Variants in INTS13 observed in about 807,000 individuals in gnomAD.
The protein encoded by INTS13 is integrator complex subunit 13.
A neutral mutation model predicts 90.2 loss-of-function variants in INTS13; 35 were observed. The ratio of observed to expected loss-of-function variants is 0.39; its 90% CI spans 0.30 to 0.51. The LOEUF (loss-of-function observed/expected upper bound fraction) is 0.51, where lower values mean the gene tolerates loss of function less well. Ranked by LOEUF, INTS13 falls within the 20% of genes least tolerant of loss-of-function variation. The pLI is 0.80. For synonymous variants in INTS13, 309 were observed against 277.1 expected, an observed-to-expected ratio of 1.11 and a Z score of -1.14; for missense variants, 601 against 851.2, an observed-to-expected ratio of 0.71 and a Z score of 3.66.
At chr12:26,912,764 A>G (rs1302480796) in intron 14 of INTS13, among the ~76,000 whole-genome samples, 2 of 148,380 alleles carry the variant, frequency 1.3e-5, no homozygotes, top group African/African-American at 5.0e-5. Flanking sequence ...GTCTTACTCT[A>G]TTGCCCAGGC....
chr12:26,927,767 C>A (rs117229933), intron 5 of INTS13, among the ~76,000 whole-genome samples: 2,249 of 151,634 alleles, frequency 0.015, 27 homozygotes, highest in Middle Eastern at 0.065. Context: ...AGGCACATGC[C>A]ACCAGGCCCG....
chr12:26,908,440 AAGG>A (rs1951676751), intron 15 of INTS13, among the ~76,000 whole-genome samples: 1 of 152,236 alleles, frequency 6.6e-6, no homozygotes, highest in Admixed American at 6.5e-5. Flanking sequence ...AAAACACATA[AAGG>A]AGGAAATAAA....
At chr12:26,930,966 C>T (rs1484155383) in intron 3 of INTS13, among the ~76,000 whole-genome samples, 1 of 152,076 alleles carries the variant, frequency 6.6e-6, no homozygotes, top group African/African-American at 2.4e-5. Context: ...AAAGCCAAGC[C>T]AATCAAAGCC....
intron 16 of INTS13, 73 bp downstream of exon 16, chr12:26,906,229 C>T: frequency 2.2e-6 from 3 of 1,388,196 alleles, no homozygotes; most frequent in Non-Finnish European, 2.9e-6. Context: ...CTGATTATTA[C>T]AAATAAGCAA....
rs1052726359 is a variant in INTS13 at position 26,936,604 on chromosome 12, T to A, written c.200A>T (p.Tyr67Phe). ...ESSMEYCRIM[Y>F]DIFPFKKLVN... ...CAGCTTTTTGAAAGGAAATATATCA[T>A]ACATTATTCTACAATATTCCATGGA... Residue 67 changes from tyrosine (Y) to phenylalanine (F), a missense_variant, in exon 2 of 17, where the codon TAT becomes TTT. Around this residue, in one of 3 missense-constraint regions of INTS13, gnomAD observed 284 missense variants for 387.7 expected, o/e 0.73. Coordinates refer to ENST00000261191, the MANE Select transcript of INTS13 (RefSeq NM_018164.3). The A allele has an allele frequency of 1.2e-6, 2 of 1,611,144 alleles. No individual in the cohort carries two copies. The highest frequency in any genetic ancestry group is 1.7e-6 in the Non-Finnish European group (2 of 1,177,432).
chr12:26,917,505 G>T, intron 9 of INTS13, 64 bp from the exon 10 acceptor site: 1 of 1,260,420 alleles, frequency 7.9e-7, no homozygotes, highest in Non-Finnish European at 1.1e-6. Flanking sequence ...TTAAAAGAAA[G>T]AAAAAAAAAC....
Position 26,936,702 on chromosome 12 carries a change from C to T in INTS13, c.102G>A (p.Val34=), listed in dbSNP as rs985605429. ...GAATGATTCCTTGGGTTCTATTCTT[C>T]ACCAGCATATCAAACTCGACATGCT... ...CRQHVEFDML[V]KNRTQGIIPL... is the part of the protein sequence containing the mutation. The change falls in exon 2 of 17, where the codon GTG becomes GTA. Residue 34 remains valine, a synonymous_variant. Transcript: ENST00000261191. 10 of 1,613,948 alleles carry T rather than the reference C, an allele frequency of 6.2e-6. No homozygotes were observed. The highest frequency in any genetic ancestry group is 8.5e-6 in the Non-Finnish European group (10 of 1,179,962).
At chr12:26,913,943 T>A in intron 13 of INTS13, 31 bp downstream of exon 13, 2 of 1,572,750 alleles carry the variant, frequency 1.3e-6, no homozygotes, top group South Asian at 1.2e-5. Context: ...GTAAATGTGA[T>A]CTATAAAGTA....
chr12:26,914,155 GAA>G (rs748577828), intron 12 of INTS13, 27 bp from the exon 13 acceptor site: 1 of 1,533,020 alleles, frequency 6.5e-7, no homozygotes, highest in African/African-American at 1.4e-5. Flanking sequence ...AAAGAAAAAA[GAA>G]AATCTGTCTT....
chr12:26,915,035 T>A (rs1025543464), intron 11 of INTS13, among the ~76,000 whole-genome samples: 4 of 152,192 alleles, frequency 2.6e-5, no homozygotes, highest in Non-Finnish European at 5.9e-5. Context: ...GAGACCAGCC[T>A]GGCCAACATG....
chr12:26,911,539 G>A (rs1009117907), intron 14 of INTS13, among the ~76,000 whole-genome samples: 3 of 151,602 alleles, frequency 2.0e-5, no homozygotes, highest in Admixed American at 1.3e-4. Context: ...CAATGATTCA[G>A]GAATTAGCTG....
chr12:26,932,712 C>A (rs1458066999), intron 3 of INTS13, among the ~76,000 whole-genome samples: 1 of 152,146 alleles, frequency 6.6e-6, no homozygotes, highest in Non-Finnish European at 1.5e-5. Flanking sequence ...TATAAACTTA[C>A]CCTCTCCCGT....
At chr12:26,917,781 ACAT>A (rs1951983623) in intron 8 of INTS13, 48 bp from the exon 9 acceptor site, 1 of 1,317,602 alleles carries the variant, frequency 7.6e-7, no homozygotes, top group Non-Finnish European at 1.1e-6. Context: ...ATGTATCAAA[ACAT>A]CACACTGTAT....
In INTS13 at chr12:26,905,234, T is replaced by C. The variant is rs983701811; in HGVS notation, c.*263A>G. On this transcript the variant is annotated 3_prime_UTR_variant, in exon 17 of 17. Coordinates refer to ENST00000261191, the MANE Select transcript of INTS13 (RefSeq NM_018164.3). ...TATTTCGCAAAGAGAAGCCTAAGAA[T>C]TTTTTTAAAAACATTTCCAGAGAGA... The C allele has an allele frequency of 3.0e-6, 1 of 330,508 alleles. No homozygotes were observed. Among genetic ancestry groups the C allele is most frequent in the Non-Finnish European group, 5.4e-6 (1 of 184,878 alleles). The allele number at this position is 330,508 out of a possible 1,614,324, so 20.5% of individuals were successfully genotyped here.
intron 7 of INTS13, among the ~76,000 whole-genome samples, chr12:26,923,526 T>C (rs1223655535): frequency 6.6e-6 from 1 of 152,218 alleles, no homozygotes; most frequent in Non-Finnish European, 1.5e-5. Flanking sequence ...GGCTACCTTA[T>C]ATTTGTAAAC....
chr12:26,928,679 G>A, intron 4 of INTS13, 24 bp downstream of exon 4: 6 of 1,607,876 alleles, frequency 3.7e-6, no homozygotes, highest in Non-Finnish European at 5.1e-6. Flanking sequence ...CACAGTGAAA[G>A]AATTGCTATA....
At chr12:26,915,913 C>T in intron 11 of INTS13, 89 bp downstream of exon 11, 1 of 929,652 alleles carries the variant, frequency 1.1e-6, no homozygotes, top group Non-Finnish European at 1.5e-6. Flanking sequence ...TTTTTTTCCA[C>T]AGACCTTAGC....
At position 26,914,094 on chromosome 12, in the gene INTS13, G is replaced by T. The variant is rs35168890; in HGVS notation, c.1454C>A (p.Ser485Tyr). Residue 485 changes from serine (S) to tyrosine (Y), a missense_variant, in exon 13 of 17, where the codon TCT (serine) becomes TAT (tyrosine). This residue lies in a region of INTS13 where 228 missense variants were observed against 272.5 expected (regional missense o/e 0.84). Coordinates refer to ENST00000261191, the MANE Select transcript of INTS13 (RefSeq NM_018164.3). ...VPLASVIVKE[S>Y]LTEEDVLNCQ... Reference sequence around the variant, plus strand: ...GTTTAACACATCTTCTTCTGTCAGAGATTCTTTCACAATAACACTGGCTAA... The same window carrying T: ...GTTTAACACATCTTCTTCTGTCAGATATTCTTTCACAATAACACTGGCTAA... 1 of 1,606,206 alleles carries T rather than the reference G, an allele frequency of 6.2e-7. No individual in the cohort carries two copies. Among genetic ancestry groups the T allele is most frequent in the African/African-American group, 1.3e-5 (1 of 74,542 alleles).
At chr12:26,929,196 C>T in intron 3 of INTS13, 1 of 245,208 alleles carries the variant, frequency 4.1e-6, no homozygotes, top group Non-Finnish European at 7.8e-6. Context: ...ACAGAAACAG[C>T]ACTTGACAAG....
Sources: gnomAD v4.1 joint callset for allele counts (sites outside exome capture counted in the v4.1 genomes callset) on GRCh38, gnomAD v4.1.1 for gene constraint, gnomAD v4.1.1 regional missense constraint, MANE v1.5 for transcripts, NCBI Gene and HGNC (gene_info 2026-07-23, HGNC 2026-07-21) for gene names.